Variants in NTM observed in about 807,000 individuals in gnomAD.
The protein encoded by NTM is IgLON family member 2.
Under a neutral mutation model 42.1 loss-of-function variants are expected in NTM, and 13 were observed. That is an observed-to-expected ratio of 0.31 (90% CI 0.20 to 0.49). The LOEUF (loss-of-function observed/expected upper bound fraction) is 0.49. Ranked by LOEUF, NTM falls within the 20% of genes least tolerant of loss-of-function variation. The pLI is 0.99. For synonymous variants in NTM, 187 were observed against 179.2 expected (o/e 1.04, Z -0.35); for missense variants, 373 against 452.8 (o/e 0.82, Z 1.60).
At chr11:131,920,441 C>T (rs1365392313) in intron 2 of NTM, among the ~76,000 whole-genome samples, 1 of 152,222 alleles carries the variant, frequency 6.6e-6, no homozygotes, top group Non-Finnish European at 1.5e-5. Flanking sequence ...GTGCATCTGG[C>T]ATTAGAAACT....
intron 4 of NTM, among the ~76,000 whole-genome samples, chr11:132,285,958 T>G (rs540487816): frequency 6.6e-6 from 1 of 152,306 alleles, no homozygotes; most frequent in East Asian, 1.9e-4. Context: ...AGCTCAGGAC[T>G]GGCTTCCTCG....
intron 4 of NTM, among the ~76,000 whole-genome samples, chr11:132,234,571 T>G (rs2088376117): frequency 6.6e-6 from 1 of 152,222 alleles, no homozygotes. Flanking sequence ...ACTACATTTC[T>G]TTTGAATTCC....
intron 1 of NTM, among the ~76,000 whole-genome samples, chr11:131,464,855 C>A (rs1350659644): frequency 1.3e-5 from 2 of 152,202 alleles, no homozygotes; most frequent in East Asian, 3.9e-4. Flanking sequence ...TTCCTAAAAT[C>A]CCCAAACCTC....
chr11:131,669,617 C>T (rs1489973124), intron 1 of NTM, among the ~76,000 whole-genome samples: 5 of 151,966 alleles, frequency 3.3e-5, no homozygotes, highest in African/African-American at 1.2e-4. Context: ...GTGGGGGCAC[C>T]GAGGCTTCCG....
rs952821229 is a variant in NTM at position 131,977,303 on chromosome 11, C to T, written c.167+65655C>T. Among the ~76,000 whole-genome samples, 18 of 152,226 alleles carry T rather than the reference C, an allele frequency of 1.2e-4. No homozygotes were observed. The East Asian group carries it at 2.7e-3, about 23-fold the overall frequency. On this transcript the variant is annotated intron_variant, in intron 2 of 8. Coordinates refer to ENST00000683400, the MANE Select transcript of NTM (RefSeq NM_001352005.2). ...TTCAGTGCTGTGTGCTGTCACCCCA[C>T]GTGTTGTACTGCCAAATTTCCCAAG...
intron 3 of NTM, among the ~76,000 whole-genome samples, chr11:132,148,315 T>G (rs1351929817): frequency 1.3e-5 from 2 of 152,182 alleles, no homozygotes; most frequent in Non-Finnish European, 2.9e-5. Context: ...ATACATTTTT[T>G]ATTATGGATA....
chr11:131,614,104 G>A (rs1308915061), intron 1 of NTM, among the ~76,000 whole-genome samples: 1 of 152,156 alleles, frequency 6.6e-6, no homozygotes, highest in Non-Finnish European at 1.5e-5. Flanking sequence ...AAGGTTCACT[G>A]AGATCTGGGG....
Position 131,682,656 on chromosome 11 carries a change from G to A in NTM, c.83-228908G>A, listed in dbSNP as rs80343859. Reference sequence around the variant, plus strand: ...CTGCAGGCCACTGACACGGAGAGCGGGTCCTTCCTTGTTACTGCACCCTGA... The same window carrying A: ...CTGCAGGCCACTGACACGGAGAGCGAGTCCTTCCTTGTTACTGCACCCTGA... On this transcript the variant is annotated intron_variant, in intron 1 of 8. Transcript: ENST00000683400. 4.0e-3 allele frequency among the ~76,000 whole-genome samples: 612 copies of A among 152,318 alleles called. 8 individuals carry two copies. The highest frequency in any genetic ancestry group is 0.014 in the African/African-American group (570 of 41,582).
intron 1 of NTM, among the ~76,000 whole-genome samples, chr11:131,444,202 C>CTAAAAAAAA (rs1949844583): frequency 5.8e-5 from 1 of 17,314 alleles, no homozygotes; most frequent in African/African-American, 2.7e-4. Flanking sequence ...AAGGTTAGAA[C>CTAAAAAAAA]CAAAAAAAAA....
intron 4 of NTM, among the ~76,000 whole-genome samples, chr11:132,217,611 C>A (rs1479967528): frequency 6.6e-6 from 1 of 152,032 alleles, no homozygotes; most frequent in Non-Finnish European, 1.5e-5. Flanking sequence ...AAGCCTTTCT[C>A]TTTACCTAAC....
intron 1 of NTM, among the ~76,000 whole-genome samples, chr11:131,828,855 T>A (rs1228460654): frequency 6.6e-6 from 1 of 152,212 alleles, no homozygotes; most frequent in Non-Finnish European, 1.5e-5. Context: ...CTTTATTCAG[T>A]GCAATTGATC....
intron 1 of NTM, among the ~76,000 whole-genome samples, chr11:131,504,910 C>T (rs1343541643): frequency 6.6e-6 from 1 of 152,114 alleles, no homozygotes; most frequent in East Asian, 1.9e-4. Flanking sequence ...GTCTCAGAAT[C>T]CACAATATGT....
In NTM at chr11:132,035,927, T is replaced by G. The variant is rs115112083; in HGVS notation, c.168-110355T>G. Among the ~76,000 whole-genome samples, 1,016 of 152,274 alleles carry G rather than the reference T, an allele frequency of 6.7e-3. 18 individuals are homozygous for G. Among genetic ancestry groups the G allele is most frequent in the African/African-American group, 0.023 (953 of 41,556 alleles). On this transcript the variant is annotated intron_variant, in intron 2 of 8. Coordinates refer to ENST00000683400, the MANE Select transcript of NTM (RefSeq NM_001352005.2). The stretch of plus-strand genomic sequence containing the variant: ...AGCTAAGAATTCCCTTATCTCTCCG[T>G]GAGTGTGGACCATGTGCTGCTGCTC...
intron 1 of NTM, among the ~76,000 whole-genome samples, chr11:131,905,061 G>A (rs1298370475): frequency 6.6e-6 from 1 of 152,182 alleles, no homozygotes; most frequent in Non-Finnish European, 1.5e-5. Context: ...CACAGCCAAT[G>A]GCAGCTCCTT....
chr11:131,727,882 T>C (rs1459710760), intron 1 of NTM, among the ~76,000 whole-genome samples: 1 of 152,228 alleles, frequency 6.6e-6, no homozygotes. Context: ...GAACATGATA[T>C]ATAGCATGCG....
chr11:131,558,229 C>T (rs1161246218), intron 1 of NTM, among the ~76,000 whole-genome samples: 8 of 152,114 alleles, frequency 5.3e-5, no homozygotes, highest in Non-Finnish European at 8.8e-5. Context: ...CAGCACAGAG[C>T]CCCTGCAGCC....
chr11:131,826,077 C>T (rs890121498), intron 1 of NTM, among the ~76,000 whole-genome samples: 1 of 151,982 alleles, frequency 6.6e-6, no homozygotes, highest in Non-Finnish European at 1.5e-5. Context: ...TGATAAACTC[C>T]AACTTTATAG....
Position 132,314,466 on chromosome 11 carries a change from A to C in NTM, c.783-86A>C. On this transcript the variant is annotated intron_variant, in intron 6 of 8. Transcript: ENST00000683400. ...GATGTCAGAAAGGGGGGCAAGGAGA[A>C]GACCAGGAATCCCTGGGCCTATCTT... 2.1e-6 allele frequency: 3 copies of C among 1,425,028 alleles called. No homozygotes were observed. The South Asian group carries it at 4.4e-5, about 21-fold the overall frequency. The allele number at this position is 1,425,028 out of a possible 1,614,324, so 88.3% of individuals were successfully genotyped here.
intron 1 of NTM, among the ~76,000 whole-genome samples, chr11:131,384,986 G>C (rs576439683): frequency 6.6e-6 from 1 of 152,324 alleles, no homozygotes; most frequent in South Asian, 2.1e-4. Context: ...GTCTAAGGCG[G>C]CAGCATCTGT....
Sources: gnomAD v4.1 joint callset for allele counts (sites outside exome capture counted in the v4.1 genomes callset) on GRCh38, gnomAD v4.1.1 for gene constraint, MANE v1.5 for transcripts, NCBI Gene and HGNC (gene_info 2026-07-23, HGNC 2026-07-21) for gene names.